Variants in ZBTB46 observed in about 807,000 individuals in gnomAD.
ZBTB46 encodes zinc finger and BTB domain containing 46.
In ZBTB46, 8 loss-of-function variants were observed where a neutral mutation model predicts 44.1. That is an observed-to-expected ratio of 0.18 (90% CI 0.11 to 0.33). The LOEUF is 0.33. Ranked by LOEUF, ZBTB46 falls within the 10% of genes least tolerant of loss-of-function variation. ZBTB46 has a pLI of 1.00. For missense variants in ZBTB46, 651 were observed against 847.7 expected (o/e 0.77, Z 2.88); for synonymous variants, 409 against 382.3 (o/e 1.07, Z -0.81).
chr20:63,782,520 A>G (rs905519476), intron 2 of ZBTB46, among the ~76,000 whole-genome samples: 3 of 152,160 alleles, frequency 2.0e-5, no homozygotes. Flanking sequence ...TGCTCTGACA[A>G]TAAGTCTGGT....
chr20:63,795,542 G>A (rs919594448), intron 1 of ZBTB46, among the ~76,000 whole-genome samples: 3 of 152,254 alleles, frequency 2.0e-5, no homozygotes, highest in Non-Finnish European at 4.4e-5. Context: ...GAGAGGGAGA[G>A]GTGGTCTCCA....
In ZBTB46 at chr20:63,804,362, T is replaced by C. The variant is rs138061160; in HGVS notation, c.-33-13572A>G. On this transcript the variant is annotated intron_variant, in intron 1 of 4. Coordinates refer to ENST00000245663, the MANE Select transcript of ZBTB46 (RefSeq NM_001369741.1). The stretch of plus-strand genomic sequence containing the variant: ...GTCATTTGGGTTATAGATGACACAG[T>C]GGAACAGGTCAGATCTGTAAAGGCG... Among the ~76,000 whole-genome samples, 46 of 152,230 alleles carry C rather than the reference T, an allele frequency of 3.0e-4. 2 individuals carry two copies. In the East Asian group the frequency reaches 8.7e-3, roughly 29 times the overall value.
intron 3 of ZBTB46, among the ~76,000 whole-genome samples, chr20:63,759,041 A>G (rs929540653): frequency 6.6e-6 from 1 of 152,070 alleles, no homozygotes; most frequent in African/African-American, 2.4e-5. Context: ...GGAGATTCAC[A>G]TCTTAACAAT....
intron 1 of ZBTB46, among the ~76,000 whole-genome samples, chr20:63,804,436 G>A (rs771092997): frequency 6.6e-6 from 1 of 152,206 alleles, no homozygotes; most frequent in Non-Finnish European, 1.5e-5. Context: ...TCAGCCAATG[G>A]ACACAGCCTC....
chr20:63,758,194 C>T (rs1165997633), intron 3 of ZBTB46, among the ~76,000 whole-genome samples: 1 of 138,180 alleles, frequency 7.2e-6, no homozygotes, highest in African/African-American at 2.8e-5. Context: ...TCCCCCCACC[C>T]GCCCCGTCCA....
chr20:63,832,163 G>C (rs1469911120), upstream of ZBTB46, among the ~76,000 whole-genome samples: 1 of 152,140 alleles, frequency 6.6e-6, no homozygotes, highest in African/African-American at 2.4e-5. This position sits in a 1 kb window ranked among gnomAD's most constrained non-coding sequence, Gnocchi z 5.0. Context: ...GCCCCGATCC[G>C]AACGGCCTGG....
chr20:63,775,824 T>C lies in ZBTB46; in HGVS notation c.1076A>G (p.Asp359Gly), dbSNP rs2145865913. The change falls in exon 3 of 5, where the codon GAC becomes GGC. Residue 359 changes from aspartate to glycine, a missense_variant. Around this residue, in one of 5 missense-constraint regions of ZBTB46, gnomAD observed 385 missense variants for 423.3 expected, o/e 0.91. Transcript: ENST00000245663. Reference protein sequence around the residue: ...LGPPLTPEKDDALHQATAVAN... With the variant: ...LGPPLTPEKDGALHQATAVAN... ...CACCGCGGTGGCCTGATGCAGGGCG[T>C]CGTCCTTCTCTGGGGTGAGGGGAGG... 6.2e-7 allele frequency: 1 copy of C among 1,613,416 alleles called. No homozygotes were observed. The highest frequency in any genetic ancestry group is 1.1e-5 in the South Asian group (1 of 91,074).
chr20:63,769,219 C>G, intron 3 of ZBTB46: 1 of 985,398 alleles, frequency 1.0e-6, no homozygotes. Context: ...CCCAGTTGCC[C>G]CAGACAAAGC....
At chr20:63,786,207 C>A (rs191331973) in intron 2 of ZBTB46, among the ~76,000 whole-genome samples, 81 of 152,318 alleles carry the variant, frequency 5.3e-4, no homozygotes, top group Middle Eastern at 3.4e-3. Flanking sequence ...TTAGTTGGAG[C>A]TAGTGGAAGA....
At chr20:63,759,823 C>A (rs2092258056) in intron 3 of ZBTB46, among the ~76,000 whole-genome samples, 1 of 152,096 alleles carries the variant, frequency 6.6e-6, no homozygotes, top group African/African-American at 2.4e-5. Flanking sequence ...TTTCTTTATA[C>A]TCCAATTTGC....
intron 1 of ZBTB46, chr20:63,791,019 G>A (rs946376289): frequency 4.0e-6 from 2 of 500,292 alleles, no homozygotes; most frequent in Non-Finnish European, 6.9e-6. Flanking sequence ...TCTGCCACGT[G>A]TTTCCGTGCT....
In ZBTB46 at chr20:63,790,455, G is replaced by A. The variant is rs1362749031; in HGVS notation, c.303C>T (p.Asn101=). The A allele has an allele frequency of 4.3e-6, 7 of 1,613,210 alleles. No homozygotes were observed. Among genetic ancestry groups the A allele is most frequent in the African/African-American group, 2.7e-5 (2 of 74,938 alleles). The change falls in exon 2 of 5, where the codon AAC becomes AAT. Residue 101 remains asparagine (N), a synonymous_variant. Transcript: ENST00000245663. ...YSAHLALTSR[N]VIEVMSAASF... ...TGGCGGCTGACATCACCTCGATGAC[G>A]TTCCTGCTGGTGAGCGCCAGGTGCG...
intron 3 of ZBTB46, among the ~76,000 whole-genome samples, chr20:63,773,203 A>ATAAATTGT (rs1349783028): frequency 1.7e-5 from 2 of 120,616 alleles, no homozygotes; most frequent in Non-Finnish European, 3.5e-5. Context: ...AAAAGCACAA[A>ATAAATTGT]CAAATTGTTT....
chr20:63,779,883 A>C (rs1163462382), intron 2 of ZBTB46, among the ~76,000 whole-genome samples: 1 of 152,074 alleles, frequency 6.6e-6, no homozygotes, highest in African/African-American at 2.4e-5. Context: ...TTTAAAGCCA[A>C]ATTTTAAATC....
chr20:63,833,781 C>T (rs1014691935), upstream of ZBTB46, among the ~76,000 whole-genome samples: 1 of 152,160 alleles, frequency 6.6e-6, no homozygotes, highest in African/African-American at 2.4e-5. Flanking sequence ...GAGACGAAGA[C>T]AGTATGTCAA....
In ZBTB46 at chr20:63,803,400, A is replaced by G; in HGVS notation, c.-33-12610T>C. On this transcript the variant is annotated intron_variant, in intron 1 of 4. Coordinates refer to ENST00000245663, the MANE Select transcript of ZBTB46 (RefSeq NM_001369741.1). The surrounding 1 kb of genome is among the most constrained non-coding windows in gnomAD (Gnocchi z 4.0). ...TCCTGACTAGAAAACACTCCAAGACATGTTAGCAGAGTCGTCTTTCGACAG... is the reference window on the plus strand; with the variant it reads ...TCCTGACTAGAAAACACTCCAAGACGTGTTAGCAGAGTCGTCTTTCGACAG... 5.1e-6 allele frequency: 5 copies of G among 985,438 alleles called. No homozygotes were observed. The highest frequency in any genetic ancestry group is 6.0e-6 in the Non-Finnish European group (5 of 829,930). The allele number at this position is 985,438 out of a possible 1,614,324, so 61.0% of individuals were successfully genotyped here.
chr20:63,807,824 G>A (rs1439870886), intron 1 of ZBTB46, among the ~76,000 whole-genome samples: 1 of 152,260 alleles, frequency 6.6e-6, no homozygotes, highest in Non-Finnish European at 1.5e-5. Flanking sequence ...CTCCCCCTCC[G>A]AGCGGGTCTC....
intron 1 of ZBTB46, among the ~76,000 whole-genome samples, chr20:63,823,888 G>GTGTGTGT (rs1414023978): frequency 6.6e-6 from 1 of 151,552 alleles, no homozygotes; most frequent in African/African-American, 2.4e-5. Context: ...GTGTGTGTGT[G>GTGTGTGT]TTCTTTGGGA....
rs372059898 is a variant in ZBTB46, at chr20:63,747,152, G to T, written c.1548C>A (p.Gly516=). 6.2e-7 allele frequency: 1 copy of T among 1,609,584 alleles called. No individual in the cohort carries two copies. The highest frequency in any genetic ancestry group is 2.2e-5 in the East Asian group (1 of 44,738). ...GRGMAGPLDH[G]GGGGEGSPEA... is the part of the protein sequence containing the mutation. Reference sequence around the variant, plus strand: ...CTGGAGAGCCCTCGCCGCCTCCGCCGCCATGGTCCAGGGGCCCGGCCATGC... The same window carrying T: ...CTGGAGAGCCCTCGCCGCCTCCGCCTCCATGGTCCAGGGGCCCGGCCATGC... Residue 516 remains glycine, a synonymous_variant, in exon 5 of 5, where the codon GGC becomes GGA. Transcript: ENST00000245663.
Sources: allele counts gnomAD v4.1 joint callset (sites outside exome capture counted in the v4.1 genomes callset), GRCh38; gene constraint gnomAD v4.1.1; regional missense constraint gnomAD v4.1.1; non-coding constraint Gnocchi (gnomAD v3.1); transcripts MANE v1.5; gene names NCBI Gene and HGNC (gene_info 2026-07-23, HGNC 2026-07-21).